TRIM2: variants seen among roughly 807,000 people sequenced by gnomAD.
TRIM2 encodes tripartite motif-containing protein 2.
Under a neutral mutation model 75.2 loss-of-function variants are expected in TRIM2, and 20 were observed. The observed-to-expected ratio is 0.27, with a 90% CI of 0.19 to 0.39. The LOEUF is 0.39. Among genes scored for constraint, TRIM2 ranks in the 10% least tolerant of loss-of-function variants. TRIM2 has a pLI of 1.00. For synonymous variants in TRIM2, 373 were observed against 388.3 expected (o/e 0.96, Z 0.46); for missense variants, 660 against 990.8 (o/e 0.67, Z 4.48).
chr4:153,337,957 T>C lies in TRIM2; in HGVS notation c.*2991T>C. 1 of 985,814 alleles carries C rather than the reference T, an allele frequency of 1.0e-6. No homozygotes were observed. The highest frequency in any genetic ancestry group is 1.2e-6 in the Non-Finnish European group (1 of 829,930). The allele number at this position is 985,814 out of a possible 1,614,324, so 61.1% of individuals were successfully genotyped here. ...AGAGAGTCACTTGACCATCCAGAAATACATGACTACAAGTCCTTTATGACT... is the reference window on the plus strand; with the variant it reads ...AGAGAGTCACTTGACCATCCAGAAACACATGACTACAAGTCCTTTATGACT... On this transcript the variant is annotated 3_prime_UTR_variant, in exon 12 of 12. Coordinates refer to ENST00000338700, the MANE Select transcript of TRIM2 (RefSeq NM_015271.5).
chr4:153,160,706 T>A (rs1275820807), intron 1 of TRIM2, among the ~76,000 whole-genome samples: 1 of 152,180 alleles, frequency 6.6e-6, no homozygotes, highest in African/African-American at 2.4e-5. Context: ...GCGATCCTTA[T>A]ACTTCAGCCT....
At chr4:153,209,964 A>G (rs138044020) in intron 1 of TRIM2, among the ~76,000 whole-genome samples, 417 of 152,322 alleles carry the variant, frequency 2.7e-3, no homozygotes, top group Middle Eastern at 6.8e-3. Flanking sequence ...TGATCTCAGA[A>G]TCATGCACCA....
At position 153,296,301 on chromosome 4, in the gene TRIM2, A is replaced by G. The variant is rs28731293; in HGVS notation, c.1510+265A>G. On this transcript the variant is annotated intron_variant, in intron 6 of 11. Coordinates refer to ENST00000338700, the MANE Select transcript of TRIM2 (RefSeq NM_015271.5). ...CTTCCTTAAGACACAAGTGCTGCAT[A>G]TTCATTGTAGGAAATTACAAGCTGA... Among the ~76,000 whole-genome samples, 691 of 152,258 alleles carry G rather than the reference A, an allele frequency of 4.5e-3. 4 individuals are homozygous for G. Among genetic ancestry groups the G allele is most frequent in the African/African-American group, 0.014 (587 of 41,520 alleles).
intron 1 of TRIM2, among the ~76,000 whole-genome samples, chr4:153,246,800 G>A (rs150359538): frequency 7.0e-4 from 106 of 152,226 alleles, no homozygotes; most frequent in African/African-American, 1.6e-3. Context: ...CAACACCCTC[G>A]GGTCAGGCCT....
chr4:153,227,771 G>C (rs1742538881), intron 1 of TRIM2, among the ~76,000 whole-genome samples: 1 of 152,134 alleles, frequency 6.6e-6, no homozygotes, highest in African/African-American at 2.4e-5. Flanking sequence ...TGGGGGAAGG[G>C]GAAGGGCTGG....
chr4:153,295,192 G>A lies in TRIM2; in HGVS notation c.787-121G>A, dbSNP rs1036080847. On this transcript the variant is annotated intron_variant, in intron 5 of 11. Coordinates refer to ENST00000338700, the MANE Select transcript of TRIM2 (RefSeq NM_015271.5). This position sits in a 1 kb window ranked among gnomAD's most constrained non-coding sequence, Gnocchi z 7.2. ...TGGGTTCCCTGGGTTGACAAACACC[G>A]CTTGCTCAGAGCCACCTGCGTGGGC... 4.5e-6 allele frequency: 6 copies of A among 1,347,378 alleles called. No individual in the cohort carries two copies. Among genetic ancestry groups the A allele is most frequent in the South Asian group, 3.2e-5 (2 of 62,112 alleles). The allele number at this position is 1,347,378 out of a possible 1,614,324, so 83.5% of individuals were successfully genotyped here.
intron 1 of TRIM2, among the ~76,000 whole-genome samples, chr4:153,186,693 C>T (rs576647186): frequency 1.9e-4 from 29 of 152,320 alleles, no homozygotes; most frequent in Non-Finnish European, 4.0e-4. Context: ...GAAGCCTTTC[C>T]CACGCCTGCA....
intron 1 of TRIM2, among the ~76,000 whole-genome samples, chr4:153,238,854 C>T (rs1251394708): frequency 6.6e-6 from 1 of 152,198 alleles, no homozygotes; most frequent in Non-Finnish European, 1.5e-5. Flanking sequence ...ACAGAAGAGA[C>T]AGACTGTCTT....
At chr4:153,330,601 G>A (rs945650949) in intron 11 of TRIM2, among the ~76,000 whole-genome samples, 7 of 152,054 alleles carry the variant, frequency 4.6e-5, no homozygotes, top group Non-Finnish European at 7.4e-5. Flanking sequence ...ATCCACCATA[G>A]TAAAATTCTA....
At chr4:153,326,917 T>C (rs1337564564) in intron 10 of TRIM2, among the ~76,000 whole-genome samples, 3 of 147,056 alleles carry the variant, frequency 2.0e-5, no homozygotes, top group African/African-American at 7.6e-5. Flanking sequence ...GAAGTGGAGG[T>C]TGCGGTGAGC....
intron 1 of TRIM2, among the ~76,000 whole-genome samples, chr4:153,154,013 C>G (rs1295482788): frequency 6.6e-6 from 1 of 152,032 alleles, no homozygotes; most frequent in African/African-American, 2.4e-5. Flanking sequence ...TAAAAGGAAT[C>G]TTGAAGTTCA....
chr4:153,300,658 G>A (rs952028869), intron 6 of TRIM2, among the ~76,000 whole-genome samples: 4 of 151,864 alleles, frequency 2.6e-5, no homozygotes, highest in African/African-American at 4.8e-5. Flanking sequence ...CCAAGTAGCT[G>A]AGACTACAGG....
intron 1 of TRIM2, among the ~76,000 whole-genome samples, chr4:153,255,410 G>C (rs1422912728): frequency 6.6e-6 from 1 of 152,208 alleles, no homozygotes; most frequent in African/African-American, 2.4e-5. Flanking sequence ...AGAGAGATCA[G>C]GACAAAGAAT....
chr4:153,234,359 T>G (rs528274435), intron 1 of TRIM2, among the ~76,000 whole-genome samples: 1 of 152,190 alleles, frequency 6.6e-6, no homozygotes, highest in Non-Finnish European at 1.5e-5. Context: ...GTGGGCTTCA[T>G]GAGCGGGTTG....
chr4:153,265,635 G>T (rs114736040), intron 1 of TRIM2: 5,635 of 152,142 alleles, frequency 0.037, 337 homozygotes, highest in African/African-American at 0.13. Flanking sequence ...GAGCCACCGC[G>T]CATGGCCAGT....
At chr4:153,208,627 A>G (rs906451999) in intron 1 of TRIM2, among the ~76,000 whole-genome samples, 1 of 152,110 alleles carries the variant, frequency 6.6e-6, no homozygotes, top group Non-Finnish European at 1.5e-5. Context: ...GACCTTGGGC[A>G]AGTCACTTAC....
intron 6 of TRIM2, among the ~76,000 whole-genome samples, chr4:153,300,007 A>G (rs529747631): frequency 1.7e-4 from 26 of 152,338 alleles, no homozygotes; most frequent in African/African-American, 5.1e-4. Flanking sequence ...GCACCCTTCT[A>G]TAGAAGTAAA....
In TRIM2 at chr4:153,217,024, C is replaced by T. The variant is rs575915945; in HGVS notation, c.30+12464C>T. The stretch of plus-strand genomic sequence containing the variant: ...TTTGTTTAGATGAACTTTTATTTCT[C>T]CCCAACATCTTACCATGAGCACAGT... On this transcript the variant is annotated intron_variant, in intron 1 of 11. Coordinates refer to ENST00000338700, the MANE Select transcript of TRIM2 (RefSeq NM_015271.5). Among the ~76,000 whole-genome samples the T allele has an allele frequency of 4.3e-4, 66 of 152,316 alleles. No individual in the cohort carries two copies. In the South Asian group the frequency reaches 5.6e-3, roughly 13 times the overall value.
chr4:153,195,128 T>C (rs918278157), intron 1 of TRIM2, among the ~76,000 whole-genome samples: 7 of 152,158 alleles, frequency 4.6e-5, no homozygotes, highest in Non-Finnish European at 1.0e-4. Flanking sequence ...ATGGTGATTG[T>C]CCTCATGAGA....
Sources: gnomAD v4.1 joint callset for allele counts (sites outside exome capture counted in the v4.1 genomes callset) on GRCh38, gnomAD v4.1.1 for gene constraint, Gnocchi (gnomAD v3.1) non-coding constraint, MANE v1.5 for transcripts, NCBI Gene and HGNC (gene_info 2026-07-23, HGNC 2026-07-21) for gene names.